Variants in NGEF observed in about 807,000 individuals in gnomAD.
NGEF encodes the protein ephexin-1.
NGEF carries 31 observed loss-of-function variants against 80.9 expected under a neutral mutation model. That is an observed-to-expected ratio of 0.38 (90% CI 0.29 to 0.52). The LOEUF (loss-of-function observed/expected upper bound fraction) is 0.52, where lower values mean the gene tolerates loss of function less well. Among genes scored for constraint, NGEF ranks in the 20% least tolerant of loss-of-function variants. The pLI, the probability that NGEF is intolerant of heterozygous loss-of-function variation, is 0.84. For missense variants in NGEF, 709 were observed against 926.2 expected (o/e 0.77, Z 3.04); for synonymous variants, 371 against 370.2 (o/e 1.00, Z -0.03).
intron 3 of NGEF, among the ~76,000 whole-genome samples, chr2:232,939,127 G>T (rs112138781): frequency 9.9e-5 from 14 of 141,654 alleles, no homozygotes; most frequent in African/African-American, 3.4e-4. Context: ...GCAGTGAGCC[G>T]AGATTGCGCC....
chr2:232,942,710 A>G (rs560450642), intron 3 of NGEF, among the ~76,000 whole-genome samples: 12 of 151,948 alleles, frequency 7.9e-5, no homozygotes, highest in African/African-American at 2.7e-4. Flanking sequence ...CCCCGTCTCT[A>G]CTGAAAATAC....
chr2:232,879,220 C>T lies in NGEF; in HGVS notation c.*269G>A, dbSNP rs1433687573. On this transcript the variant is annotated 3_prime_UTR_variant, in exon 15 of 15. Coordinates refer to ENST00000264051, the MANE Select transcript of NGEF (RefSeq NM_019850.3). ...GTGTGCCCACCCCCTTCCACCCCCT[C>T]GGAGGCATGAGGGAGGTGGTGTAAT... is the stretch of plus-strand genomic sequence containing the variant. 8 of 372,676 alleles carry T rather than the reference C, an allele frequency of 2.1e-5. No individual in the cohort carries two copies. Among genetic ancestry groups the T allele is most frequent in the Non-Finnish European group, 3.9e-5 (8 of 204,376 alleles). 23.1% of individuals were successfully genotyped at this position (372,676 alleles called of 1,614,324 possible). A position where few individuals can be genotyped will look rare whatever the true frequency, so the allele number is the denominator to read the frequency against.
intron 1 of NGEF, among the ~76,000 whole-genome samples, chr2:233,003,923 G>A (rs953482587): frequency 8.5e-5 from 13 of 152,170 alleles, no homozygotes; most frequent in Non-Finnish European, 2.9e-5. Flanking sequence ...CTTGTTGTGT[G>A]GCCCCTGAAT....
intron 7 of NGEF, 133 bp from the exon 8 acceptor site, chr2:232,891,620 GT>G (rs201067421): frequency 1.2e-5 from 13 of 1,050,212 alleles, no homozygotes; most frequent in East Asian, 5.4e-5. Flanking sequence ...TTCTTTCTTT[GT>G]TTTTTTTCAA....
chr2:232,904,214 AGT>A (rs1692437039), intron 5 of NGEF, among the ~76,000 whole-genome samples: 1 of 151,946 alleles, frequency 6.6e-6, no homozygotes, highest in Non-Finnish European at 1.5e-5. Context: ...TGCATATATG[AGT>A]GTGTGTCCCT....
chr2:232,937,140 G>C (rs1215073183), intron 3 of NGEF, among the ~76,000 whole-genome samples: 1 of 152,030 alleles, frequency 6.6e-6, no homozygotes, highest in Admixed American at 6.6e-5. Flanking sequence ...TGGCTCTTTT[G>C]TATTTTTAGT....
chr2:233,010,288 G>C (rs1392849049), intron 1 of NGEF, among the ~76,000 whole-genome samples: 3 of 152,160 alleles, frequency 2.0e-5, no homozygotes, highest in South Asian at 2.1e-4. Flanking sequence ...AAACCCTGCT[G>C]TCCCTTCACC....
chr2:232,987,330 T>A (rs951956790), intron 1 of NGEF, among the ~76,000 whole-genome samples: 2 of 152,148 alleles, frequency 1.3e-5, no homozygotes, highest in East Asian at 3.9e-4. Flanking sequence ...AGCAGGACTT[T>A]TTTGATGTTC....
intron 3 of NGEF, among the ~76,000 whole-genome samples, chr2:232,959,415 C>T (rs534491287): frequency 3.9e-4 from 59 of 152,280 alleles, no homozygotes; most frequent in African/African-American, 1.3e-3. Context: ...CAATAAACAC[C>T]TGACAAGCTG....
At chr2:232,999,684 G>A (rs1447299158) in intron 1 of NGEF, among the ~76,000 whole-genome samples, 3 of 152,234 alleles carry the variant, frequency 2.0e-5, no homozygotes, top group Non-Finnish European at 2.9e-5. Context: ...GGCAAGTTCT[G>A]CCACCCCAGC....
intron 4 of NGEF, among the ~76,000 whole-genome samples, chr2:232,926,332 C>T (rs2106282912): frequency 9.2e-6 from 1 of 109,040 alleles, no homozygotes; most frequent in East Asian, 2.3e-4. Context: ...CTTGATGTCA[C>T]TAGCGATTTT....
At chr2:232,976,397 T>A (rs1200217091) in intron 1 of NGEF, among the ~76,000 whole-genome samples, 1 of 152,058 alleles carries the variant, frequency 6.6e-6, no homozygotes, top group Non-Finnish European at 1.5e-5. Flanking sequence ...CCCAAACACC[T>A]TCTTCTACAC....
At chr2:232,886,426 A>T (rs1474928209) in intron 9 of NGEF, among the ~76,000 whole-genome samples, 4 of 151,892 alleles carry the variant, frequency 2.6e-5, no homozygotes, top group Non-Finnish European at 4.4e-5. Flanking sequence ...CCGTGTGTGC[A>T]GTGTGTGCCC....
At position 232,884,007 on chromosome 2, in the gene NGEF, C is replaced by A; in HGVS notation, c.1575G>T (p.Leu525=). 6.2e-7 allele frequency: 1 copy of A among 1,611,716 alleles called. No homozygotes were observed. The highest frequency in any genetic ancestry group is 8.5e-7 in the Non-Finnish European group (1 of 1,179,104). The change falls in exon 11 of 15, where the codon CTG becomes CTT. Residue 525 remains leucine (L), a synonymous_variant. Transcript: ENST00000264051. ...HEIYLFLFND[L]LVICRQIPGD... Reference sequence around the variant, plus strand: ...CTGGAATCTGCCGGCAGATCACCAGCAGGTCGTTGAACAGGAAGAGGTAAA... The same window carrying A: ...CTGGAATCTGCCGGCAGATCACCAGAAGGTCGTTGAACAGGAAGAGGTAAA...
chr2:232,900,883 T>C (rs1692332001), intron 5 of NGEF, among the ~76,000 whole-genome samples: 1 of 152,168 alleles, frequency 6.6e-6, no homozygotes, highest in South Asian at 2.1e-4. Context: ...TGAAGCCAGG[T>C]GAGCAGGCCC....
chr2:232,984,841 C>T (rs1694501649), intron 1 of NGEF, among the ~76,000 whole-genome samples: 2 of 152,176 alleles, frequency 1.3e-5, no homozygotes, highest in African/African-American at 4.8e-5. Context: ...GCCAGCTCTT[C>T]AAGGAACCAA....
intron 1 of NGEF, among the ~76,000 whole-genome samples, chr2:233,002,772 T>G (rs1364175462): frequency 6.6e-6 from 1 of 152,198 alleles, no homozygotes; most frequent in East Asian, 1.9e-4. Flanking sequence ...CATGTTTCTG[T>G]TCGGAGCTAA....
intron 3 of NGEF, among the ~76,000 whole-genome samples, chr2:232,965,324 T>C (rs575397927): frequency 2.0e-5 from 3 of 152,030 alleles, no homozygotes; most frequent in African/African-American, 2.4e-5. Context: ...TGGACTTCAA[T>C]AGGAATGGAT....
rs79777521 is a variant in NGEF at position 232,992,270 on chromosome 2, C to G, written c.-74-17306G>C. On this transcript the variant is annotated intron_variant, in intron 1 of 14. Transcript: ENST00000264051. Reference sequence around the variant, plus strand: ...TTCCAAGTGCACCACCAAGAAAATTCTTGGCTGGGCATGGTGGTAGCTCAT... The same window carrying G: ...TTCCAAGTGCACCACCAAGAAAATTGTTGGCTGGGCATGGTGGTAGCTCAT... Among the ~76,000 whole-genome samples the G allele has an allele frequency of 3.9e-4, 59 of 152,216 alleles. No homozygotes were observed. In the East Asian group the frequency reaches 5.8e-3, roughly 15 times the overall value.
Sources: allele counts gnomAD v4.1 joint callset (sites outside exome capture counted in the v4.1 genomes callset), GRCh38; gene constraint gnomAD v4.1.1; transcripts MANE v1.5; gene names NCBI Gene and HGNC (gene_info 2026-07-23, HGNC 2026-07-21).